Variants in BBX observed in about 807,000 individuals in gnomAD.
The protein encoded by BBX is HMG box transcription factor BBX.
BBX carries 30 observed loss-of-function variants against 100.2 expected under a neutral mutation model. The ratio of observed to expected loss-of-function variants is 0.30; its 90% CI spans 0.22 to 0.41. BBX has a LOEUF of 0.41. Ranked by LOEUF, BBX falls within the 10% of genes least tolerant of loss-of-function variation. The pLI is 1.00. For synonymous variants in BBX, 376 were observed against 388.1 expected (o/e 0.97, Z 0.37); for missense variants, 1,023 against 1,129.8 (o/e 0.91, Z 1.35).
At chr3:107,780,585 A>G (rs2067773756) in intron 13 of BBX, among the ~76,000 whole-genome samples, 1 of 152,110 alleles carries the variant, frequency 6.6e-6, no homozygotes, top group Non-Finnish European at 1.5e-5. Context: ...TATATAGTAT[A>G]TCAGTAATTA....
chr3:107,567,640 T>C (rs2051020953), intron 2 of BBX, among the ~76,000 whole-genome samples: 1 of 152,152 alleles, frequency 6.6e-6, no homozygotes, highest in African/African-American at 2.4e-5. Context: ...TTGTTTTAGG[T>C]GTATCTTTTA....
intron 3 of BBX, among the ~76,000 whole-genome samples, chr3:107,679,819 C>G (rs1015410759): frequency 6.6e-6 from 1 of 152,118 alleles, no homozygotes. Flanking sequence ...TTCATGAAGA[C>G]TCATTAAAAA....
At chr3:107,579,620 C>T (rs1354403618) in intron 2 of BBX, among the ~76,000 whole-genome samples, 1 of 152,204 alleles carries the variant, frequency 6.6e-6, no homozygotes, top group African/African-American at 2.4e-5. Context: ...GCAGTCCCTC[C>T]CATCCCAGCA....
chr3:107,713,959 AT>A (rs1233095247), intron 4 of BBX, among the ~76,000 whole-genome samples: 1 of 102,404 alleles, frequency 9.8e-6, no homozygotes, highest in Non-Finnish European at 2.2e-5. Context: ...TTTTTTAATA[AT>A]TTTTTTCTTT....
intron 3 of BBX, among the ~76,000 whole-genome samples, chr3:107,658,084 A>T (rs979549697): frequency 5.3e-5 from 8 of 152,104 alleles, no homozygotes; most frequent in African/African-American, 1.9e-4. Context: ...AGTTTTATAG[A>T]GCAGTCAAAG....
intron 7 of BBX, among the ~76,000 whole-genome samples, chr3:107,741,573 A>C (rs2064113758): frequency 6.6e-6 from 1 of 152,144 alleles, no homozygotes; most frequent in African/African-American, 2.4e-5. Flanking sequence ...AATAACCACT[A>C]CTTATTTAAT....
At chr3:107,537,257 T>C (rs909326033) in intron 2 of BBX, among the ~76,000 whole-genome samples, 9 of 152,192 alleles carry the variant, frequency 5.9e-5, no homozygotes, top group African/African-American at 2.2e-4. Context: ...ACATGACTGA[T>C]TGAACCAAAG....
In BBX at chr3:107,807,907, G is replaced by A. The variant is rs2071140676; in HGVS notation, c.*2450G>A. 6.6e-6 allele frequency: 1 copy of A among 152,080 alleles called. No homozygotes were observed. The highest frequency in any genetic ancestry group is 1.5e-5 in the Non-Finnish European group (1 of 68,006). The allele number at this position is 152,080 out of a possible 1,614,324, so 9.4% of individuals were successfully genotyped here. A position where few individuals can be genotyped will look rare whatever the true frequency, so the allele number is the denominator to read the frequency against. ...AAATGCTTAATTTTTAAGCGGTTAG[G>A]CACTGAGAGTAGCAGAAATCCTGCA... On this transcript the variant is annotated 3_prime_UTR_variant, in exon 18 of 18. Coordinates refer to ENST00000325805, the MANE Select transcript of BBX (RefSeq NM_001142568.3).
At chr3:107,782,032 T>A (rs981108837) in intron 13 of BBX, among the ~76,000 whole-genome samples, 3 of 152,270 alleles carry the variant, frequency 2.0e-5, no homozygotes, top group Admixed American at 6.5e-5. Context: ...GCTTCCAGAT[T>A]GGGCAGAGTT....
chr3:107,685,463 T>C (rs138840694), intron 3 of BBX, among the ~76,000 whole-genome samples: 19 of 152,298 alleles, frequency 1.2e-4, no homozygotes, highest in African/African-American at 4.3e-4. Flanking sequence ...AGGAAACTCA[T>C]CAAAGGTTGC....
chr3:107,690,611 T>G (rs1383553007), intron 3 of BBX, among the ~76,000 whole-genome samples: 1 of 152,198 alleles, frequency 6.6e-6, no homozygotes, highest in East Asian at 1.9e-4. Context: ...CAGGTTTATA[T>G]GGTTTATGAT....
intron 3 of BBX, among the ~76,000 whole-genome samples, chr3:107,654,809 G>C (rs1243080272): frequency 1.3e-5 from 2 of 152,168 alleles, no homozygotes; most frequent in African/African-American, 2.4e-5. Flanking sequence ...ATGTGGTAAA[G>C]TTACTTAGCT....
intron 2 of BBX, among the ~76,000 whole-genome samples, chr3:107,602,878 G>A (rs2054158025): frequency 6.6e-6 from 1 of 152,248 alleles, no homozygotes; most frequent in South Asian, 2.1e-4. Context: ...GACAACAAAA[G>A]ATTTAGACCA....
At chr3:107,778,235 T>C in intron 12 of BBX, 136 bp from the exon 13 acceptor site, 1 of 1,074,338 alleles carries the variant, frequency 9.3e-7, no homozygotes, top group Non-Finnish European at 1.3e-6. Flanking sequence ...AAGGTGTTTT[T>C]TTCCTTGCAC....
At chr3:107,698,734 G>A (rs1396403971) in intron 3 of BBX, among the ~76,000 whole-genome samples, 1 of 151,644 alleles carries the variant, frequency 6.6e-6, no homozygotes, top group African/African-American at 2.4e-5. Context: ...TGATACAGGA[G>A]AAAAGGGAAT....
At chr3:107,800,914 A>T (rs1045942125) in intron 16 of BBX, among the ~76,000 whole-genome samples, 181 bp from the exon 17 acceptor site, 1 of 152,238 alleles carries the variant, frequency 6.6e-6, no homozygotes, top group African/African-American at 2.4e-5. Context: ...ACTAAGCTTA[A>T]TAAAAGAGCT....
intron 3 of BBX, among the ~76,000 whole-genome samples, chr3:107,651,399 G>A (rs1474049488): frequency 6.6e-6 from 1 of 152,104 alleles, no homozygotes; most frequent in African/African-American, 2.4e-5. Flanking sequence ...AAGGAATTAA[G>A]TCTAAGAACT....
intron 2 of BBX, among the ~76,000 whole-genome samples, chr3:107,534,497 C>G (rs1217993526): frequency 2.0e-5 from 3 of 152,122 alleles, no homozygotes; most frequent in African/African-American, 4.8e-5. Flanking sequence ...CTTCCTCTCT[C>G]TCATCTCTTT....
In BBX at chr3:107,772,701, G is replaced by A; in HGVS notation, c.980G>A (p.Arg327Lys). The change falls in exon 11 of 18, where the codon AGA (arginine) becomes AAA (lysine). Residue 327 changes from arginine (R) to lysine (K), a missense_variant. Around this residue, in one of 9 missense-constraint regions of BBX, gnomAD observed 348 missense variants for 353.2 expected, o/e 0.99. Transcript: ENST00000325805. ...LIKAKESDGG[R>K]IKELEKGKEE... Reference sequence around the variant, plus strand: ...AAAGCAAAAGAATCCGATGGTGGAAGAATTAAAGAATTAGAGAAGGGAAAG... The same window carrying A: ...AAAGCAAAAGAATCCGATGGTGGAAAAATTAAAGAATTAGAGAAGGGAAAG... 6.2e-7 allele frequency: 1 copy of A among 1,608,108 alleles called. No individual in the cohort carries two copies. Among genetic ancestry groups the A allele is most frequent in the South Asian group, 1.1e-5 (1 of 88,718 alleles).
Sources: allele counts gnomAD v4.1 joint callset (sites outside exome capture counted in the v4.1 genomes callset), GRCh38; gene constraint gnomAD v4.1.1; regional missense constraint gnomAD v4.1.1; transcripts MANE v1.5; gene names NCBI Gene and HGNC (gene_info 2026-07-23, HGNC 2026-07-21).